Variants in KCNMB4 observed in about 807,000 individuals in gnomAD.
The protein encoded by KCNMB4 is calcium-activated potassium channel subunit beta-4.
Under a neutral mutation model 20.7 loss-of-function variants are expected in KCNMB4, and 3 were observed. The ratio of observed to expected loss-of-function variants is 0.14; its 90% confidence interval spans 0.07 to 0.37. The LOEUF is 0.37. Among genes scored for constraint, KCNMB4 ranks in the 10% least tolerant of loss-of-function variants. The pLI, the probability that KCNMB4 is intolerant of heterozygous loss-of-function variation, is 1.00. For missense variants in KCNMB4, 168 were observed against 265.9 expected, an observed-to-expected ratio of 0.63 and a Z score of 2.56; for synonymous variants, 110 against 113.4, an observed-to-expected ratio of 0.97 and a Z score of 0.19.
At chr12:70,399,866 C>CT (rs1163221410) in intron 1 of KCNMB4, among the ~76,000 whole-genome samples, 1 of 152,126 alleles carries the variant, frequency 6.6e-6, no homozygotes, top group Admixed American at 6.5e-5. Flanking sequence ...TAAAAATAAA[C>CT]TTTTTTATGC....
rs1354520048 is a variant in KCNMB4 at position 70,366,470 on chromosome 12, G to A, written c.-265G>A. ...CGGTCCGTGCGCTCCCCGCGCCCGA[G>A]GGTGCAGGAGGCTCTGAAGCGGCTG... is the stretch of plus-strand genomic sequence containing the variant. On this transcript the variant is annotated 5_prime_UTR_variant, in exon 1 of 3. Coordinates refer to ENST00000258111, the MANE Select transcript of KCNMB4 (RefSeq NM_014505.6). 1.3e-5 allele frequency: 2 copies of A among 152,150 alleles called. No homozygotes were observed. The highest frequency in any genetic ancestry group is 2.9e-5 in the Non-Finnish European group (2 of 68,358). 9.4% of individuals were successfully genotyped at this position (152,150 alleles called of 1,614,324 possible).
chr12:70,385,611 A>C (rs949795411), intron 1 of KCNMB4, among the ~76,000 whole-genome samples: 1 of 152,210 alleles, frequency 6.6e-6, no homozygotes, highest in Non-Finnish European at 1.5e-5. Context: ...TATTTTTGGA[A>C]AGATAAATTC....
In KCNMB4 at chr12:70,432,376, G is replaced by A. The variant is rs1179114426; in HGVS notation, c.*1723G>A. ...AGTCTGTGGAAAGGTGTTGAATTGA[G>A]TATAATCTTCTTCTGTTTATTTTTG... On this transcript the variant is annotated 3_prime_UTR_variant, in exon 3 of 3. Transcript: ENST00000258111. The A allele has an allele frequency of 1.3e-5, 2 of 152,128 alleles. No individual in the cohort carries two copies. Among genetic ancestry groups the A allele is most frequent in the African/African-American group, 4.8e-5 (2 of 41,420 alleles). The allele number at this position is 152,128 out of a possible 1,614,324, so 9.4% of individuals were successfully genotyped here.
At chr12:70,386,817 T>C (rs951213360) in intron 1 of KCNMB4, among the ~76,000 whole-genome samples, 2 of 152,182 alleles carry the variant, frequency 1.3e-5, no homozygotes, top group Non-Finnish European at 2.9e-5. Flanking sequence ...GAGGACCAAC[T>C]GATAAATTTT....
intron 2 of KCNMB4, among the ~76,000 whole-genome samples, chr12:70,427,238 C>T (rs1869238744): frequency 6.6e-6 from 1 of 152,170 alleles, no homozygotes; most frequent in Admixed American, 6.5e-5. Flanking sequence ...CTGAAAACTG[C>T]CTGCCTGATA....
chr12:70,401,348 A>G (rs374270917), intron 2 of KCNMB4, among the ~76,000 whole-genome samples: 1 of 151,448 alleles, frequency 6.6e-6, no homozygotes, highest in Non-Finnish European at 1.5e-5. Context: ...TTTTACCTGT[A>G]TCATGACTCT....
At chr12:70,415,018 C>T (rs1055841104) in intron 2 of KCNMB4, among the ~76,000 whole-genome samples, 1 of 152,184 alleles carries the variant, frequency 6.6e-6, no homozygotes, top group Non-Finnish European at 1.5e-5. Flanking sequence ...GGACATAGAC[C>T]TATTTCACTG....
intron 2 of KCNMB4, among the ~76,000 whole-genome samples, chr12:70,420,830 G>T (rs1051852050): frequency 6.6e-6 from 1 of 151,996 alleles, no homozygotes; most frequent in East Asian, 1.9e-4. Flanking sequence ...AGGCCGAGGC[G>T]GGCGGATCAT....
At chr12:70,391,396 G>C (rs1217838650) in intron 1 of KCNMB4, among the ~76,000 whole-genome samples, 1 of 151,908 alleles carries the variant, frequency 6.6e-6, no homozygotes, top group African/African-American at 2.4e-5. Flanking sequence ...TCAAACTCCA[G>C]GGCTCAAGCT....
intron 1 of KCNMB4, among the ~76,000 whole-genome samples, chr12:70,391,273 A>G (rs1014077905): frequency 1.3e-5 from 2 of 151,938 alleles, no homozygotes; most frequent in African/African-American, 4.8e-5. Flanking sequence ...GTCATTTTTC[A>G]TATGTTCACA....
intron 2 of KCNMB4, among the ~76,000 whole-genome samples, chr12:70,428,317 A>T (rs1429466878): frequency 6.6e-6 from 1 of 152,192 alleles, no homozygotes; most frequent in East Asian, 1.9e-4. Flanking sequence ...TAAAATGTAC[A>T]CTTCAGTGAT....
chr12:70,384,172 A>C (rs535475344), intron 1 of KCNMB4, among the ~76,000 whole-genome samples: 1 of 152,330 alleles, frequency 6.6e-6, no homozygotes, highest in South Asian at 2.1e-4. Flanking sequence ...TGTTCATGTA[A>C]ATTGAACATT....
intron 2 of KCNMB4, among the ~76,000 whole-genome samples, chr12:70,409,123 G>T (rs1868696290): frequency 6.6e-6 from 1 of 152,086 alleles, no homozygotes; most frequent in Admixed American, 6.6e-5. Context: ...TTCTATACAG[G>T]TTTACTTTTT....
At chr12:70,367,650 G>A (rs1237924650) in intron 1 of KCNMB4, among the ~76,000 whole-genome samples, 1 of 151,948 alleles carries the variant, frequency 6.6e-6, no homozygotes, top group African/African-American at 2.4e-5. Context: ...GGAATATTGC[G>A]GGTCCATTTT....
intron 1 of KCNMB4, among the ~76,000 whole-genome samples, chr12:70,392,878 T>A (rs911146860): frequency 6.6e-6 from 1 of 152,126 alleles, no homozygotes; most frequent in Non-Finnish European, 1.5e-5. Flanking sequence ...AAATACCTAC[T>A]ATAGATGAGG....
intron 2 of KCNMB4, among the ~76,000 whole-genome samples, chr12:70,417,165 C>T (rs1221102283): frequency 6.6e-6 from 1 of 152,196 alleles, no homozygotes; most frequent in East Asian, 1.9e-4. Flanking sequence ...TTAACCTAAT[C>T]AGACTTTAAC....
intron 1 of KCNMB4, among the ~76,000 whole-genome samples, chr12:70,374,071 T>C (rs1346072602): frequency 6.6e-6 from 1 of 152,216 alleles, no homozygotes; most frequent in Non-Finnish European, 1.5e-5. Context: ...AGCCCCCATT[T>C]GTGGATGTCA....
chr12:70,408,757 A>C (rs1420134003), intron 2 of KCNMB4, among the ~76,000 whole-genome samples: 1 of 151,988 alleles, frequency 6.6e-6, no homozygotes, highest in African/African-American at 2.4e-5. Context: ...TCCTTCCAAA[A>C]TGTGTAGATT....
chr12:70,366,702 G>T lies in KCNMB4; in HGVS notation c.-33G>T. 1.3e-6 allele frequency: 2 copies of T among 1,484,316 alleles called. No individual in the cohort carries two copies. The highest frequency in any genetic ancestry group is 2.6e-5 in the South Asian group (2 of 75,514). 91.9% of individuals were successfully genotyped at this position (1,484,316 alleles called of 1,614,324 possible). ...CGGCGCCGGGGGCGGGAGGGGGCGGGGGGAGCACGCCAGCCGCCGAGAGTG... is the reference window on the plus strand; with the variant it reads ...CGGCGCCGGGGGCGGGAGGGGGCGGTGGGAGCACGCCAGCCGCCGAGAGTG... On this transcript the variant is annotated 5_prime_UTR_variant, in exon 1 of 3. Coordinates refer to ENST00000258111, the MANE Select transcript of KCNMB4 (RefSeq NM_014505.6).
Sources: allele counts gnomAD v4.1 joint callset (sites outside exome capture counted in the v4.1 genomes callset), GRCh38; gene constraint gnomAD v4.1.1; transcripts MANE v1.5; gene names NCBI Gene and HGNC (gene_info 2026-07-23, HGNC 2026-07-21).